The following GMDS variants were observed in gnomAD, a reference collection of about 807,000 sequenced individuals.
The protein encoded by GMDS is GDP-mannose 4,6 dehydratase.
A neutral mutation model predicts 49.9 loss-of-function variants in GMDS; 20 were observed. The observed-to-expected ratio is 0.40, with a 90% CI of 0.28 to 0.58. The LOEUF (loss-of-function observed/expected upper bound fraction) is 0.58. Ranked by LOEUF, GMDS falls within the 20% of genes least tolerant of loss-of-function variation. The probability of loss-of-function intolerance (pLI) is 0.42; values close to 1 mark genes in which losing one functional copy is unlikely to be tolerated. For missense variants in GMDS, 362 were observed against 481.4 expected, an observed-to-expected ratio of 0.75 and a Z score of 2.32; for synonymous variants, 177 against 178.6, an observed-to-expected ratio of 0.99 and a Z score of 0.07.
At chr6:1,843,352 T>C (rs997068597) in intron 7 of GMDS, among the ~76,000 whole-genome samples, 5 of 152,090 alleles carry the variant, frequency 3.3e-5, no homozygotes, top group Non-Finnish European at 7.4e-5. Flanking sequence ...CAAAAGGAAA[T>C]GTCTGTCAAC....
intron 1 of GMDS, among the ~76,000 whole-genome samples, chr6:2,171,915 G>C (rs1431882548): frequency 1.3e-5 from 2 of 152,194 alleles, no homozygotes; most frequent in Non-Finnish European, 2.9e-5. Flanking sequence ...ACAGAGAGCA[G>C]TGAGGGGCTA....
chr6:2,048,000 T>C (rs1420316716), intron 4 of GMDS, among the ~76,000 whole-genome samples: 1 of 152,196 alleles, frequency 6.6e-6, no homozygotes, highest in Admixed American at 6.5e-5. Flanking sequence ...CCTGGGTTCA[T>C]ACTGAGTAAC....
At chr6:1,671,548 G>A (rs1050152224) in intron 9 of GMDS, among the ~76,000 whole-genome samples, 2 of 151,976 alleles carry the variant, frequency 1.3e-5, no homozygotes, top group African/African-American at 2.4e-5. Context: ...GTAGAAACAC[G>A]GAATCAACGA....
intron 4 of GMDS, among the ~76,000 whole-genome samples, chr6:1,998,720 A>T (rs1228376260): frequency 6.6e-6 from 1 of 152,236 alleles, no homozygotes; most frequent in Non-Finnish European, 1.5e-5. Flanking sequence ...TTTGAAAAAT[A>T]CAGCAGGATG....
chr6:1,693,118 C>T (rs1411039910), intron 9 of GMDS, among the ~76,000 whole-genome samples: 1 of 152,210 alleles, frequency 6.6e-6, no homozygotes, highest in East Asian at 1.9e-4. Flanking sequence ...AGAGGCAAGA[C>T]CCTTCCGAAC....
intron 8 of GMDS, among the ~76,000 whole-genome samples, chr6:1,737,351 T>C (rs1767034063): frequency 6.6e-6 from 1 of 152,210 alleles, no homozygotes; most frequent in Non-Finnish European, 1.5e-5. Flanking sequence ...AGTATTTGCC[T>C]GTTTGGGTTA....
At chr6:2,030,428 G>A (rs997576252) in intron 4 of GMDS, among the ~76,000 whole-genome samples, 3 of 152,086 alleles carry the variant, frequency 2.0e-5, no homozygotes, top group African/African-American at 7.2e-5. Context: ...AGGTTAAGAG[G>A]GAGCACACAA....
At chr6:2,120,743 T>G (rs1474656894) in intron 2 of GMDS, among the ~76,000 whole-genome samples, 1 of 152,224 alleles carries the variant, frequency 6.6e-6, no homozygotes, top group Non-Finnish European at 1.5e-5. Flanking sequence ...GAATGCGCTT[T>G]CATAAAAAGC....
chr6:2,216,723 A>C (rs979447023), intron 1 of GMDS, among the ~76,000 whole-genome samples: 1 of 146,890 alleles, frequency 6.8e-6, no homozygotes, highest in African/African-American at 2.5e-5. Flanking sequence ...TTTTCTAAGG[A>C]GGAAGCACAT....
At chr6:1,940,368 C>T (rs925563821) in intron 6 of GMDS, among the ~76,000 whole-genome samples, 1 of 152,184 alleles carries the variant, frequency 6.6e-6, no homozygotes, top group African/African-American at 2.4e-5. Flanking sequence ...CATTGGAAAA[C>T]AGAAATCATT....
chr6:1,686,598 C>G (rs1170356450), intron 9 of GMDS, among the ~76,000 whole-genome samples: 1 of 152,214 alleles, frequency 6.6e-6, no homozygotes, highest in Admixed American at 6.5e-5. Flanking sequence ...TTTAAAGGAT[C>G]TAAATAGATC....
intron 4 of GMDS, among the ~76,000 whole-genome samples, chr6:2,038,515 C>T (rs535762445): frequency 3.9e-5 from 6 of 152,166 alleles, no homozygotes; most frequent in Admixed American, 6.5e-5. Context: ...GCAGCAAGAC[C>T]CATTCTTTGA....
At chr6:1,832,744 C>T (rs1285816909) in intron 7 of GMDS, among the ~76,000 whole-genome samples, 3 of 152,128 alleles carry the variant, frequency 2.0e-5, no homozygotes, top group Non-Finnish European at 4.4e-5. Flanking sequence ...CAAAGTGAGG[C>T]CGACACATTT....
At chr6:1,789,148 A>G (rs226449) in intron 7 of GMDS, among the ~76,000 whole-genome samples, 60,564 of 152,146 alleles carry the variant, frequency 0.4, 12,167 homozygotes, top group African/African-American at 0.43. Flanking sequence ...GACGGTCTGG[A>G]AGGGCCCCAA....
At chr6:1,675,494 A>G (rs1458586239) in intron 9 of GMDS, among the ~76,000 whole-genome samples, 1 of 152,122 alleles carries the variant, frequency 6.6e-6, no homozygotes, top group African/African-American at 2.4e-5. Context: ...ATGGTGGTGG[A>G]AGAAGGGACA....
At chr6:1,902,046 G>C (rs1179896355) in intron 7 of GMDS, among the ~76,000 whole-genome samples, 1 of 152,196 alleles carries the variant, frequency 6.6e-6, no homozygotes, top group African/African-American at 2.4e-5. Flanking sequence ...GCGAAAATCT[G>C]GGGTGAAATA....
intron 7 of GMDS, among the ~76,000 whole-genome samples, chr6:1,759,400 G>A (rs376995922): frequency 6.6e-6 from 1 of 152,300 alleles, no homozygotes; most frequent in East Asian, 1.9e-4. Flanking sequence ...GCTGGGGCTG[G>A]AACCTCAACT....
At chr6:1,630,360 C>T (rs1762962691) in intron 9 of GMDS, among the ~76,000 whole-genome samples, 1 of 152,364 alleles carries the variant, frequency 6.6e-6, no homozygotes, top group African/African-American at 2.4e-5. Context: ...TTCCTTTCCC[C>T]AGACCAGGCG....
chr6:1,937,953 G>A (rs1223651977), intron 6 of GMDS, among the ~76,000 whole-genome samples: 1 of 152,008 alleles, frequency 6.6e-6, no homozygotes, highest in Non-Finnish European at 1.5e-5. Flanking sequence ...GATCACTTCA[G>A]ACGAGGAGTT....
Sources: allele counts gnomAD v4.1 joint callset (sites outside exome capture counted in the v4.1 genomes callset), GRCh38; gene constraint gnomAD v4.1.1; transcripts MANE v1.5; gene names NCBI Gene and HGNC (gene_info 2026-07-23, HGNC 2026-07-21).